Variants in TNKS observed in about 807,000 individuals in gnomAD.
TNKS encodes the protein tankyrase.
Under a neutral mutation model 135.8 loss-of-function variants are expected in TNKS, and 72 were observed. That is an observed-to-expected ratio of 0.53 (90% CI 0.44 to 0.64). TNKS has a LOEUF of 0.64. Ranked by LOEUF, TNKS falls within the 30% of genes least tolerant of loss-of-function variation. The pLI is 0.00. For synonymous variants in TNKS, 849 were observed against 649.3 expected (o/e 1.31, Z -4.68); for missense variants, 1,769 against 1,674.0 (o/e 1.06, Z -0.99).
At chr8:9,742,254 T>G (rs1806001428) in intron 17 of TNKS, among the ~76,000 whole-genome samples, 1 of 152,172 alleles carries the variant, frequency 6.6e-6, no homozygotes, top group Non-Finnish European at 1.5e-5. Flanking sequence ...ATCCGTGAGT[T>G]GATGACTGTT....
chr8:9,602,379 T>C (rs1387414505), intron 2 of TNKS, among the ~76,000 whole-genome samples: 1 of 152,168 alleles, frequency 6.6e-6, no homozygotes, highest in South Asian at 2.1e-4. Context: ...TACCCTGTTT[T>C]GGAAGAGCCA....
At chr8:9,604,441 T>G (rs1364816520) in intron 2 of TNKS, among the ~76,000 whole-genome samples, 1 of 152,130 alleles carries the variant, frequency 6.6e-6, no homozygotes, top group Non-Finnish European at 1.5e-5. Flanking sequence ...AAGTTGGTAG[T>G]AGAATTAAAT....
chr8:9,722,406 T>C (rs1209639099), intron 12 of TNKS: 1 of 152,208 alleles, frequency 6.6e-6, no homozygotes, highest in Non-Finnish European at 1.5e-5. Flanking sequence ...AGGTCATTCG[T>C]AGATAGTGAT....
At chr8:9,690,999 A>G (rs1019542050) in intron 5 of TNKS, among the ~76,000 whole-genome samples, 4 of 152,080 alleles carry the variant, frequency 2.6e-5, no homozygotes, top group African/African-American at 9.7e-5. Flanking sequence ...GGTTCTGCTT[A>G]AGAGAGAGAG....
intron 20 of TNKS, among the ~76,000 whole-genome samples, chr8:9,759,111 T>A (rs1330038166): frequency 6.6e-6 from 1 of 152,188 alleles, no homozygotes; most frequent in East Asian, 1.9e-4. Context: ...TCACTTCTCA[T>A]CACCATTGCT....
chr8:9,615,562 T>C lies in TNKS; in HGVS notation c.899-20T>C, dbSNP rs1406999046. On this transcript the variant is annotated intron_variant, in intron 2 of 26. Transcript: ENST00000310430. ...TCTGTATCCCCGAGGTAAGATACTG[T>C]TTCTGCTTTCCCTGCACAGTGCTGC... 5.0e-6 allele frequency: 8 copies of C among 1,603,982 alleles called. No homozygotes were observed. Among genetic ancestry groups the C allele is most frequent in the Non-Finnish European group, 6.8e-6 (8 of 1,174,164 alleles).
At chr8:9,582,035 G>T (rs1323959930) in intron 2 of TNKS, among the ~76,000 whole-genome samples, 3 of 152,154 alleles carry the variant, frequency 2.0e-5, no homozygotes, top group Admixed American at 6.5e-5. Context: ...AAGGGGAAGG[G>T]CACCTTTGAA....
At chr8:9,674,643 G>C (rs1802459184) in intron 3 of TNKS, among the ~76,000 whole-genome samples, 1 of 152,132 alleles carries the variant, frequency 6.6e-6, no homozygotes, top group Admixed American at 6.5e-5. Context: ...CTGATGAACA[G>C]AATTTTTATT....
intron 1 of TNKS, chr8:9,575,061 G>T (rs1797894691): frequency 1.0e-6 from 1 of 985,164 alleles, no homozygotes. Context: ...TTGACAAATT[G>T]TGTGAGACAA....
chr8:9,716,813 A>G (rs189899799), intron 11 of TNKS, among the ~76,000 whole-genome samples: 11 of 151,272 alleles, frequency 7.3e-5, no homozygotes, highest in East Asian at 3.9e-4. Flanking sequence ...TTATTTCTCT[A>G]TGGCCTAAAT....
At chr8:9,621,260 A>T (rs1381697816) in intron 3 of TNKS, among the ~76,000 whole-genome samples, 1 of 151,716 alleles carries the variant, frequency 6.6e-6, no homozygotes, top group Admixed American at 6.5e-5. Flanking sequence ...AGCTGCCTGC[A>T]GCTGTCACAT....
chr8:9,564,320 A>G (rs1335784979), intron 1 of TNKS, among the ~76,000 whole-genome samples: 3 of 152,170 alleles, frequency 2.0e-5, no homozygotes, highest in African/African-American at 7.2e-5. Flanking sequence ...AGAGAAATAC[A>G]TTGGGAGGAT....
rs200671014 is a variant in TNKS at position 9,736,351 on chromosome 8, A to T, written c.2643+865A>T. On this transcript the variant is annotated intron_variant, in intron 17 of 26. Transcript: ENST00000310430. Reference sequence around the variant, plus strand: ...TGATCAACATAGTGAGACCTCATCTAAAAAAAAAAAAAAAAAAAAAAAATT... The same window carrying T: ...TGATCAACATAGTGAGACCTCATCTTAAAAAAAAAAAAAAAAAAAAAAATT... Among the ~76,000 whole-genome samples, 464 of 58,236 alleles carry T rather than the reference A, an allele frequency of 8.0e-3. 1 individual carries two copies. The highest frequency in any genetic ancestry group is 0.04 in the Admixed American group (231 of 5,754). The allele number at this position is 58,236 out of a possible 152,430, so 38.2% of individuals were successfully genotyped here. A position where few individuals can be genotyped will look rare whatever the true frequency, so the allele number is the denominator to read the frequency against.
At chr8:9,624,786 G>T (rs1799995130) in intron 3 of TNKS, among the ~76,000 whole-genome samples, 1 of 152,140 alleles carries the variant, frequency 6.6e-6, no homozygotes, top group Non-Finnish European at 1.5e-5. Flanking sequence ...ATCCCCTGAA[G>T]ATGCAGATGT....
chr8:9,617,417 A>G (rs1425025360), intron 3 of TNKS, among the ~76,000 whole-genome samples: 2 of 152,210 alleles, frequency 1.3e-5, no homozygotes, highest in Non-Finnish European at 2.9e-5. Context: ...TTTAGAGTTA[A>G]TTGTTCTTTT....
chr8:9,635,729 C>G (rs1800485107), intron 3 of TNKS, among the ~76,000 whole-genome samples: 1 of 152,122 alleles, frequency 6.6e-6, no homozygotes, highest in Non-Finnish European at 1.5e-5. Flanking sequence ...GCTAGGGAGG[C>G]ATGACTAAAT....
intron 3 of TNKS, among the ~76,000 whole-genome samples, chr8:9,619,385 G>C (rs1445957461): frequency 1.3e-5 from 2 of 152,162 alleles, no homozygotes; most frequent in Non-Finnish European, 2.9e-5. Flanking sequence ...TTGAATCAAA[G>C]AAAGAGGTAA....
chr8:9,700,936 CTTTT>C (rs66830437), intron 5 of TNKS, among the ~76,000 whole-genome samples: 10 of 142,088 alleles, frequency 7.0e-5, no homozygotes, highest in African/African-American at 1.3e-4. Context: ...GTTTTGCCCC[CTTTT>C]TTTTTTTTTT....
At chr8:9,666,613 G>A (rs901560579) in intron 3 of TNKS, among the ~76,000 whole-genome samples, 4 of 151,832 alleles carry the variant, frequency 2.6e-5, no homozygotes, top group African/African-American at 9.7e-5. Flanking sequence ...CCAGCTACTC[G>A]AGAGGATGAG....
Sources: gnomAD v4.1 joint callset for allele counts (sites outside exome capture counted in the v4.1 genomes callset) on GRCh38, gnomAD v4.1.1 for gene constraint, MANE v1.5 for transcripts, NCBI Gene and HGNC (gene_info 2026-07-23, HGNC 2026-07-21) for gene names.